GRM3: variants seen among roughly 807,000 people sequenced by gnomAD.
GRM3 encodes glutamate metabotropic receptor 3, also known as metabotropic glutamate receptor 3.
GRM3 carries 26 observed loss-of-function variants against 70.5 expected under a neutral mutation model. That is an observed-to-expected ratio of 0.37 (90% CI 0.27 to 0.51). The LOEUF is 0.51. Ranked by LOEUF, GRM3 falls within the 20% of genes least tolerant of loss-of-function variation. The probability of loss-of-function intolerance (pLI) is 0.93; values close to 1 mark genes in which losing one functional copy is unlikely to be tolerated. For synonymous variants in GRM3, 443 were observed against 434.9 expected, an observed-to-expected ratio of 1.02 and a Z score of -0.23; for missense variants, 859 against 1,123.8, an observed-to-expected ratio of 0.76 and a Z score of 3.37.
At chr7:86,680,396 C>T (rs541039205) in intron 1 of GRM3, among the ~76,000 whole-genome samples, 10 of 152,196 alleles carry the variant, frequency 6.6e-5, no homozygotes, top group Admixed American at 3.3e-4. Flanking sequence ...ATATGGCATA[C>T]CTTAATAAAG....
At chr7:86,673,591 C>T (rs1794227368) in intron 1 of GRM3, among the ~76,000 whole-genome samples, 1 of 152,100 alleles carries the variant, frequency 6.6e-6, no homozygotes. Context: ...ACTCTATATT[C>T]TTTCCCTAAA....
intron 1 of GRM3, among the ~76,000 whole-genome samples, chr7:86,740,407 T>G (rs1411928904): frequency 6.6e-6 from 1 of 151,810 alleles, no homozygotes. Context: ...AAAGCAATAC[T>G]CCCTTGATTC....
chr7:86,779,884 G>A (rs10254088), intron 2 of GRM3, among the ~76,000 whole-genome samples: 56,917 of 152,050 alleles, frequency 0.37, 12,493 homozygotes, highest in African/African-American at 0.63. Flanking sequence ...ATAACATTTA[G>A]CAATGGTTTG....
At position 86,840,000 on chromosome 7, in the gene GRM3, G is replaced by A. The variant is rs1477474786; in HGVS notation, c.2391+95G>A. 12 of 715,150 alleles carry A rather than the reference G, an allele frequency of 1.7e-5. No homozygotes were observed. The highest frequency in any genetic ancestry group is 2.5e-5 in the East Asian group (1 of 39,404). The allele number at this position is 715,150 out of a possible 1,614,324, so 44.3% of individuals were successfully genotyped here. ...TAGACTCCTTTTATTTCATCTCAAC[G>A]AGTTGGGTAATTTCAAATGCCATGA... On this transcript the variant is annotated intron_variant, in intron 4 of 5. Coordinates refer to ENST00000361669, the MANE Select transcript of GRM3 (RefSeq NM_000840.3). The surrounding 1 kb of genome is among the most constrained non-coding windows in gnomAD (Gnocchi z 4.5).
chr7:86,840,946 A>C (rs1386711389), intron 4 of GRM3, among the ~76,000 whole-genome samples: 1 of 152,202 alleles, frequency 6.6e-6, no homozygotes, highest in East Asian at 1.9e-4. Flanking sequence ...GATAGGAAGA[A>C]TAATTCAAGA....
At chr7:86,683,528 G>A (rs988178636) in intron 1 of GRM3, among the ~76,000 whole-genome samples, 21 of 152,268 alleles carry the variant, frequency 1.4e-4, no homozygotes, top group Middle Eastern at 6.8e-3. Context: ...CAGATGTCAG[G>A]AGATTGAATA....
chr7:86,713,254 C>A (rs1462706560), intron 1 of GRM3, among the ~76,000 whole-genome samples: 1 of 151,902 alleles, frequency 6.6e-6, no homozygotes, highest in East Asian at 1.9e-4. Flanking sequence ...TTTCATATAC[C>A]TGTTAGCCTT....
At chr7:86,812,675 G>A (rs1252253194) in intron 3 of GRM3, among the ~76,000 whole-genome samples, 2 of 151,632 alleles carry the variant, frequency 1.3e-5, no homozygotes, top group Non-Finnish European at 3.0e-5. Flanking sequence ...AGCATTTGCC[G>A]GGCATATCAA....
intron 4 of GRM3, among the ~76,000 whole-genome samples, chr7:86,840,922 C>T (rs570595117): frequency 6.6e-6 from 1 of 151,960 alleles, no homozygotes; most frequent in Admixed American, 6.6e-5. Context: ...AGAGTAGATA[C>T]AAAATTTCAG....
intron 1 of GRM3, among the ~76,000 whole-genome samples, chr7:86,747,264 A>C (rs1796124353): frequency 6.6e-6 from 1 of 152,094 alleles, no homozygotes; most frequent in Non-Finnish European, 1.5e-5. Context: ...TCTTCATTAC[A>C]GTTTCTAAAC....
chr7:86,756,863 C>A (rs1215280465), intron 1 of GRM3, among the ~76,000 whole-genome samples: 1 of 152,112 alleles, frequency 6.6e-6, no homozygotes, highest in Non-Finnish European at 1.5e-5. Flanking sequence ...CAACTGGACA[C>A]TGAAGATTTG....
chr7:86,647,564 C>T (rs955075236), intron 1 of GRM3, among the ~76,000 whole-genome samples: 4 of 152,134 alleles, frequency 2.6e-5, no homozygotes, highest in African/African-American at 7.2e-5. Context: ...AAAAGGAGTA[C>T]GTGTTTACTC....
chr7:86,660,605 G>A (rs1415230239), intron 1 of GRM3, among the ~76,000 whole-genome samples: 3 of 146,572 alleles, frequency 2.0e-5, no homozygotes, highest in Non-Finnish European at 4.5e-5. Flanking sequence ...CCATGAAGAT[G>A]TATAAGGCTT....
chr7:86,664,151 T>C (rs1306879059), intron 1 of GRM3, among the ~76,000 whole-genome samples: 1 of 151,994 alleles, frequency 6.6e-6, no homozygotes, highest in Non-Finnish European at 1.5e-5. Context: ...ATTTTTCTTT[T>C]TTTTAAAAAA....
intron 1 of GRM3, among the ~76,000 whole-genome samples, chr7:86,684,992 A>T (rs1202608827): frequency 6.6e-6 from 1 of 152,336 alleles, no homozygotes; most frequent in South Asian, 2.1e-4. Context: ...CATGCTATCC[A>T]TGTTATCACT....
At chr7:86,682,821 A>G (rs1334803678) in intron 1 of GRM3, among the ~76,000 whole-genome samples, 2 of 152,166 alleles carry the variant, frequency 1.3e-5, no homozygotes, top group South Asian at 4.1e-4. Context: ...CTTTTTTCAA[A>G]ATATTCTTAT....
At chr7:86,803,889 G>A (rs1797734738) in intron 3 of GRM3, among the ~76,000 whole-genome samples, 1 of 152,168 alleles carries the variant, frequency 6.6e-6, no homozygotes, top group Non-Finnish European at 1.5e-5. Flanking sequence ...TTGTGAAGAT[G>A]TATGTCAGTT....
intron 1 of GRM3, among the ~76,000 whole-genome samples, chr7:86,717,887 C>T (rs1795358067): frequency 6.6e-6 from 1 of 151,690 alleles, no homozygotes; most frequent in African/African-American, 2.4e-5. Context: ...CATTGTGAAA[C>T]ATTGTGCATA....
intron 3 of GRM3, among the ~76,000 whole-genome samples, chr7:86,792,223 G>T (rs1265607927): frequency 6.6e-6 from 1 of 152,136 alleles, no homozygotes; most frequent in Non-Finnish European, 1.5e-5. Flanking sequence ...GTTACAAAAG[G>T]CCTTCCTCAA....
Sources: allele counts gnomAD v4.1 joint callset (sites outside exome capture counted in the v4.1 genomes callset), GRCh38; gene constraint gnomAD v4.1.1; non-coding constraint Gnocchi (gnomAD v3.1); transcripts MANE v1.5; gene names NCBI Gene and HGNC (gene_info 2026-07-23, HGNC 2026-07-21).